EPHB1: variants seen among roughly 807,000 people sequenced by gnomAD.
The protein encoded by EPHB1 is ephrin type-B receptor 1.
Under a neutral mutation model 94.4 loss-of-function variants are expected in EPHB1, and 30 were observed. That is an observed-to-expected ratio of 0.32 (90% CI 0.24 to 0.43). The LOEUF (loss-of-function observed/expected upper bound fraction) is 0.43, where lower values mean the gene tolerates loss of function less well. EPHB1 is among the 20% of genes least tolerant of loss of function. The probability of loss-of-function intolerance (pLI) is 1.00; values close to 1 mark genes in which losing one functional copy is unlikely to be tolerated. For synonymous variants in EPHB1, 522 were observed against 489.1 expected, an observed-to-expected ratio of 1.07 and a Z score of -0.89; for missense variants, 1,055 against 1,308.3, an observed-to-expected ratio of 0.81 and a Z score of 2.99.
At chr3:135,095,156 A>G (rs1938711791) in intron 3 of EPHB1, among the ~76,000 whole-genome samples, 1 of 152,160 alleles carries the variant, frequency 6.6e-6, no homozygotes, top group Admixed American at 6.5e-5. Flanking sequence ...CTGCCAAAGT[A>G]TTGGATTTCT....
At chr3:134,889,997 A>T (rs1295245328) in intron 1 of EPHB1, among the ~76,000 whole-genome samples, 1 of 152,190 alleles carries the variant, frequency 6.6e-6, no homozygotes, top group Admixed American at 6.5e-5. Context: ...CAAAAAGTAT[A>T]TGCAACACTT....
chr3:134,819,798 G>C (rs1258120685), intron 1 of EPHB1, among the ~76,000 whole-genome samples: 1 of 152,118 alleles, frequency 6.6e-6, no homozygotes, highest in African/African-American at 2.4e-5. Context: ...TGCCTGGGAG[G>C]CCTCTGTTGC....
intron 2 of EPHB1, among the ~76,000 whole-genome samples, chr3:134,932,035 G>A (rs1364395353): frequency 6.6e-6 from 1 of 151,946 alleles, no homozygotes; most frequent in Non-Finnish European, 1.5e-5. Context: ...GTGTTTGTGT[G>A]TGTGTGTGTG....
At chr3:134,883,141 G>C (rs1050680009) in intron 1 of EPHB1, among the ~76,000 whole-genome samples, 12 of 152,172 alleles carry the variant, frequency 7.9e-5, no homozygotes, top group African/African-American at 2.9e-4. Flanking sequence ...AGCTTTCTTA[G>C]GATTGAATGG....
intron 1 of EPHB1, among the ~76,000 whole-genome samples, chr3:134,924,587 C>A (rs1241013708): frequency 6.6e-6 from 1 of 152,104 alleles, no homozygotes; most frequent in East Asian, 1.9e-4. Context: ...AATGACCATG[C>A]CAAGTGTCAA....
chr3:135,057,030 C>A (rs1937369211), intron 3 of EPHB1, among the ~76,000 whole-genome samples: 1 of 152,152 alleles, frequency 6.6e-6, no homozygotes, highest in Non-Finnish European at 1.5e-5. Context: ...GCTCAGTGAA[C>A]ACCCCCCTAA....
chr3:134,998,314 T>A (rs184657932), intron 3 of EPHB1, among the ~76,000 whole-genome samples: 16 of 152,348 alleles, frequency 1.1e-4, no homozygotes, highest in Non-Finnish European at 2.2e-4. Context: ...TGTGTATAGA[T>A]GTTTTCTGGG....
intron 4 of EPHB1, among the ~76,000 whole-genome samples, chr3:135,130,248 C>A (rs903052354): frequency 6.6e-6 from 1 of 152,120 alleles, no homozygotes. Flanking sequence ...GGAAGATGGA[C>A]AGATTGTGCT....
At chr3:135,251,972 CTTGAGCACA>C (rs1199005287) in intron 15 of EPHB1, among the ~76,000 whole-genome samples, 1 of 152,124 alleles carries the variant, frequency 6.6e-6, no homozygotes, top group Non-Finnish European at 1.5e-5. Flanking sequence ...ACTGTGTGAC[CTTGAGCACA>C]TTACTTAATT....
chr3:135,179,603 T>C (rs1461793063), intron 9 of EPHB1, among the ~76,000 whole-genome samples: 1 of 152,198 alleles, frequency 6.6e-6, no homozygotes. Flanking sequence ...ATAAGTAATC[T>C]GTTCCACATT....
chr3:134,895,745 A>C (rs959024837), intron 1 of EPHB1, among the ~76,000 whole-genome samples: 1 of 152,216 alleles, frequency 6.6e-6, no homozygotes, highest in Admixed American at 6.5e-5. Context: ...TCAAGTTTCA[A>C]CTGCTAGAGA....
At chr3:135,085,981 G>C (rs1559824021) in intron 3 of EPHB1, among the ~76,000 whole-genome samples, 1 of 152,164 alleles carries the variant, frequency 6.6e-6, no homozygotes, top group Non-Finnish European at 1.5e-5. Flanking sequence ...GCTGAGGGGA[G>C]GCCTCCCCAG....
chr3:134,795,526 GA>G lies in EPHB1; in HGVS notation c.-105del. 1 of 1,102,204 alleles carries G rather than the reference GA, an allele frequency of 9.1e-7. No individual in the cohort carries two copies. The highest frequency in any genetic ancestry group is 1.3e-6 in the Non-Finnish European group (1 of 767,772). The allele number at this position is 1,102,204 out of a possible 1,614,324, so 68.3% of individuals were successfully genotyped here. On this transcript the variant is annotated 5_prime_UTR_variant, in exon 1 of 16. Transcript: ENST00000398015. The stretch of plus-strand genomic sequence containing the variant: ...TCCGGTCCGGGCGAGAGCGCGAAAG[GA>G]TACCGAGAAGCCACCCGCGGAGAGC...
intron 12 of EPHB1, among the ~76,000 whole-genome samples, chr3:135,232,838 A>G (rs1048803028): frequency 6.6e-6 from 1 of 152,206 alleles, no homozygotes; most frequent in Non-Finnish European, 1.5e-5. Flanking sequence ...CTTTCTTCAC[A>G]TGGCGGCAGC....
At chr3:134,874,992 A>G (rs1484182742) in intron 1 of EPHB1, among the ~76,000 whole-genome samples, 1 of 152,014 alleles carries the variant, frequency 6.6e-6, no homozygotes, top group Admixed American at 6.6e-5. Flanking sequence ...ACCTTTTCCC[A>G]TGGTTGTCTG....
chr3:134,921,366 C>T (rs765028841), intron 1 of EPHB1, among the ~76,000 whole-genome samples: 7 of 152,176 alleles, frequency 4.6e-5, no homozygotes, highest in South Asian at 2.1e-4. Context: ...ACACACAGGG[C>T]GAATCTCCCT....
intron 3 of EPHB1, among the ~76,000 whole-genome samples, chr3:135,104,295 TACAG>T (rs1939132091): frequency 6.6e-6 from 1 of 152,092 alleles, no homozygotes; most frequent in African/African-American, 2.4e-5. Flanking sequence ...GAGGGAGAAA[TACAG>T]AGAGAGGGAC....
At position 135,028,208 on chromosome 3, in the gene EPHB1, T is replaced by C. The variant is rs983510856; in HGVS notation, c.805+76156T>C. On this transcript the variant is annotated intron_variant, in intron 3 of 15. Coordinates refer to ENST00000398015, the MANE Select transcript of EPHB1 (RefSeq NM_004441.5). ...ATTCACTAATTTTTTGAAGGGTTTT[T>C]TGTGTCTCTATTTCCTTCAGTTCTG... is the stretch of plus-strand genomic sequence containing the variant. Among the ~76,000 whole-genome samples, 634 of 142,928 alleles carry C rather than the reference T, an allele frequency of 4.4e-3. 7 individuals carry two copies. Among genetic ancestry groups the C allele is most frequent in the African/African-American group, 0.016 (609 of 38,550 alleles). The allele number at this position is 142,928 out of a possible 152,430, so 93.8% of individuals were successfully genotyped here. A position where few individuals can be genotyped will look rare whatever the true frequency, so the allele number is the denominator to read the frequency against.
chr3:135,163,265 A>G (rs1007990129), intron 7 of EPHB1, among the ~76,000 whole-genome samples: 1 of 152,206 alleles, frequency 6.6e-6, no homozygotes, highest in Admixed American at 6.5e-5. Flanking sequence ...TTGTGAAAAA[A>G]TTGTAAGAGA....
Sources: gnomAD v4.1 joint callset for allele counts (sites outside exome capture counted in the v4.1 genomes callset) on GRCh38, gnomAD v4.1.1 for gene constraint, MANE v1.5 for transcripts, NCBI Gene and HGNC (gene_info 2026-07-23, HGNC 2026-07-21) for gene names.